PLPPR1: variants seen among roughly 807,000 people sequenced by gnomAD.
The protein encoded by PLPPR1 is phospholipid phosphatase-related protein type 1.
A neutral mutation model predicts 33.1 loss-of-function variants in PLPPR1; 10 were observed. The observed-to-expected ratio is 0.30, with a 90% CI of 0.19 to 0.51. The LOEUF (loss-of-function observed/expected upper bound fraction) is 0.51. PLPPR1 is among the 20% of genes least tolerant of loss of function. PLPPR1 has a pLI of 0.97. For synonymous variants in PLPPR1, 151 were observed against 151.0 expected (o/e 1.00, Z 0.00); for missense variants, 304 against 408.1 (o/e 0.74, Z 2.20).
At chr9:101,309,485 C>A in intron 5 of PLPPR1, 24 bp downstream of exon 5, 2 of 1,607,570 alleles carry the variant, frequency 1.2e-6, no homozygotes, top group South Asian at 2.2e-5. Flanking sequence ...TCTTGTCTCT[C>A]CTAAGTCCAG....
intron 1 of PLPPR1, among the ~76,000 whole-genome samples, chr9:101,174,896 T>G (rs1235865489): frequency 6.6e-6 from 1 of 152,180 alleles, no homozygotes; most frequent in Admixed American, 6.6e-5. Flanking sequence ...ATTTTTTCTT[T>G]GCTTTAAGTT....
At chr9:101,146,440 A>G (rs1362010184) in intron 1 of PLPPR1, among the ~76,000 whole-genome samples, 2 of 152,184 alleles carry the variant, frequency 1.3e-5, no homozygotes, top group Non-Finnish European at 2.9e-5. Flanking sequence ...CACTCCAAAA[A>G]CTACCAGCCA....
intron 1 of PLPPR1, among the ~76,000 whole-genome samples, chr9:101,184,804 A>C (rs1826176742): frequency 6.6e-6 from 1 of 151,966 alleles, no homozygotes; most frequent in South Asian, 2.1e-4. Context: ...AAGCTAAGTG[A>C]ATGTCTTATA....
At chr9:101,314,582 G>A (rs988223518) in intron 6 of PLPPR1, among the ~76,000 whole-genome samples, 3 of 151,320 alleles carry the variant, frequency 2.0e-5, no homozygotes, top group African/African-American at 7.3e-5. Flanking sequence ...AGTCTATTAA[G>A]TGTGCAATAG....
At chr9:101,045,956 A>G (rs1472949421) in intron 1 of PLPPR1, among the ~76,000 whole-genome samples, 1 of 152,226 alleles carries the variant, frequency 6.6e-6, no homozygotes, top group African/African-American at 2.4e-5. Context: ...CAAAAATATC[A>G]GCAACATCCT....
At chr9:101,309,155 A>C in intron 4 of PLPPR1, 56 bp from the exon 5 acceptor site, 1 of 1,588,534 alleles carries the variant, frequency 6.3e-7, no homozygotes. Context: ...TCTTAGGAGA[A>C]AAATGCAATT....
At chr9:101,092,959 A>G (rs1588024817) in intron 1 of PLPPR1, among the ~76,000 whole-genome samples, 1 of 152,176 alleles carries the variant, frequency 6.6e-6, no homozygotes, top group African/African-American at 2.4e-5. Context: ...TCTGCAAACC[A>G]GGAAGAGGGC....
At chr9:101,080,876 G>A (rs1330200567) in intron 1 of PLPPR1, among the ~76,000 whole-genome samples, 4 of 152,184 alleles carry the variant, frequency 2.6e-5, no homozygotes, top group Non-Finnish European at 5.9e-5. Flanking sequence ...CTAAGGAGGA[G>A]CAAATGCTTC....
At chr9:101,096,406 T>C (rs1830818287) in intron 1 of PLPPR1, among the ~76,000 whole-genome samples, 1 of 152,148 alleles carries the variant, frequency 6.6e-6, no homozygotes, top group African/African-American at 2.4e-5. Context: ...TATAATGCAA[T>C]GATCCATCGG....
chr9:101,094,275 T>G (rs1344298752), intron 1 of PLPPR1, among the ~76,000 whole-genome samples: 1 of 152,194 alleles, frequency 6.6e-6, no homozygotes, highest in East Asian at 1.9e-4. Flanking sequence ...TAGCTCGCAT[T>G]TTTTCTATTC....
At chr9:101,228,266 T>C (rs1165522783) in intron 2 of PLPPR1, among the ~76,000 whole-genome samples, 1 of 152,152 alleles carries the variant, frequency 6.6e-6, no homozygotes, top group Non-Finnish European at 1.5e-5. Context: ...AGGTGTCTCC[T>C]TCCAGGCCTA....
intron 1 of PLPPR1, among the ~76,000 whole-genome samples, chr9:101,059,936 A>T (rs1830324348): frequency 5.3e-5 from 8 of 152,078 alleles, no homozygotes; most frequent in Admixed American, 4.6e-4. Flanking sequence ...TAAAAATAGA[A>T]CTACAATATT....
chr9:101,072,566 A>T (rs1467852014), intron 1 of PLPPR1, among the ~76,000 whole-genome samples: 1 of 152,138 alleles, frequency 6.6e-6, no homozygotes, highest in Admixed American at 6.6e-5. Flanking sequence ...AGAGAGAAAG[A>T]TTAACTGAGG....
At chr9:101,100,281 G>A (rs997535660) in intron 1 of PLPPR1, among the ~76,000 whole-genome samples, 2 of 152,100 alleles carry the variant, frequency 1.3e-5, no homozygotes, top group Non-Finnish European at 2.9e-5. Context: ...CTTTGGGGTG[G>A]CAGTGATTAT....
At chr9:101,108,214 T>G (rs1313537750) in intron 1 of PLPPR1, among the ~76,000 whole-genome samples, 1 of 152,188 alleles carries the variant, frequency 6.6e-6, no homozygotes, top group Non-Finnish European at 1.5e-5. Flanking sequence ...TAATTCCATG[T>G]TTTTGGAAAT....
chr9:101,084,142 T>C (rs1830651127), intron 1 of PLPPR1, among the ~76,000 whole-genome samples: 1 of 152,176 alleles, frequency 6.6e-6, no homozygotes, highest in African/African-American at 2.4e-5. Context: ...GGAAAATTTG[T>C]TGGAAATGAT....
At chr9:101,240,409 A>ACTGTTTTTTTTTTTTTTTTTTTTT (rs1564012614) in intron 2 of PLPPR1, among the ~76,000 whole-genome samples, 17 of 151,788 alleles carry the variant, frequency 1.1e-4, no homozygotes, top group African/African-American at 4.1e-4. Context: ...AAATTTTAGA[A>ACTGTTTTTTTTTTTTTTTTTTTTT]TTGTTTTTTT....
intron 1 of PLPPR1, among the ~76,000 whole-genome samples, chr9:101,093,017 G>T (rs1477980048): frequency 2.6e-5 from 4 of 152,122 alleles, no homozygotes; most frequent in Non-Finnish European, 1.5e-5. Flanking sequence ...GGACTTTCCA[G>T]CTTCCAGAGA....
chr9:101,176,877 C>A (rs1344779137), intron 1 of PLPPR1, among the ~76,000 whole-genome samples: 1 of 152,110 alleles, frequency 6.6e-6, no homozygotes, highest in Non-Finnish European at 1.5e-5. Flanking sequence ...TCAAAAGACA[C>A]CAATGACAGG....
Sources: allele counts gnomAD v4.1 joint callset (sites outside exome capture counted in the v4.1 genomes callset), GRCh38; gene constraint gnomAD v4.1.1; transcripts MANE v1.5; gene names NCBI Gene and HGNC (gene_info 2026-07-23, HGNC 2026-07-21).